The following IDH1 variants were observed in gnomAD, a reference collection of about 807,000 sequenced individuals.
IDH1 encodes the protein isocitrate dehydrogenase (NADP(+)) 1.
In IDH1, 33 loss-of-function variants were observed where a neutral mutation model predicts 46.1. The observed-to-expected ratio is 0.72, with a 90% CI of 0.54 to 0.96. IDH1 has a LOEUF of 0.96. Among genes scored for constraint, IDH1 ranks in the 40% least tolerant of loss-of-function variants. The probability of loss-of-function intolerance (pLI) is 0.00; values close to 1 mark genes in which losing one functional copy is unlikely to be tolerated. For synonymous variants in IDH1, 144 were observed against 172.8 expected, an observed-to-expected ratio of 0.83 and a Z score of 1.31; for missense variants, 421 against 515.7, an observed-to-expected ratio of 0.82 and a Z score of 1.78.
chr2:208,250,773 A>G (rs1688108675), intron 3 of IDH1, among the ~76,000 whole-genome samples: 1 of 152,230 alleles, frequency 6.6e-6, no homozygotes, highest in African/African-American at 2.4e-5. Flanking sequence ...GGAGGGGTTC[A>G]ACTAAGAAAC....
Position 208,239,941 on chromosome 2 carries a change from C to T in IDH1, c.913G>A (p.Ala305Thr), listed in dbSNP as rs1384045653. The T allele has an allele frequency of 5.0e-6, 8 of 1,614,148 alleles. No individual in the cohort carries two copies. In the South Asian group the frequency reaches 6.6e-5, roughly 13 times the overall value. ...LVCPDGKTVE[A>T]EAAHGTVTRH... ...GTTACAGTCCCGTGGGCAGCCTCTG[C>T]TTCTACTGTCTTGCCATCTGGACAA... The change falls in exon 8 of 10, where the codon GCA becomes ACA. Residue 305 changes from alanine to threonine, a missense_variant. Transcript: ENST00000345146.
intron 5 of IDH1, among the ~76,000 whole-genome samples, chr2:208,243,904 T>C (rs1450620243): frequency 6.6e-6 from 1 of 152,228 alleles, no homozygotes; most frequent in Admixed American, 6.5e-5. Context: ...GAACCAGAAA[T>C]ACATTTAAGA....
At chr2:208,245,704 A>C (rs1688006313) in intron 4 of IDH1, among the ~76,000 whole-genome samples, 1 of 151,482 alleles carries the variant, frequency 6.6e-6, no homozygotes, top group East Asian at 1.9e-4. Context: ...TCCTTTAGGA[A>C]GTTTACAACC....
chr2:208,251,489 G>T lies in IDH1; in HGVS notation c.63C>A (p.Ile21=). 6.2e-7 allele frequency: 1 copy of T among 1,613,284 alleles called. No individual in the cohort carries two copies. The highest frequency in any genetic ancestry group is 1.1e-5 in the South Asian group (1 of 91,068). The change falls in exon 3 of 10, where the codon ATC becomes ATA. Residue 21 remains isoleucine, a synonymous_variant. Transcript: ENST00000345146. The stretch of plus-strand genomic sequence containing the variant: ...GTTTCTCTTTAATCAATTCCCAAAT[G>T]ATTCGTGTCATTTCATCTCCTTGCA... ...VEMQGDEMTR[I]IWELIKEKLI... is the part of the protein sequence containing the mutation.
At chr2:208,245,871 A>G (rs1346423961) in intron 4 of IDH1, among the ~76,000 whole-genome samples, 1 of 147,906 alleles carries the variant, frequency 6.8e-6, no homozygotes, top group African/African-American at 2.5e-5. Context: ...GAGGGTGATG[A>G]TAACAATACT....
At chr2:208,238,039 CTTT>C (rs71036995) in intron 9 of IDH1, among the ~76,000 whole-genome samples, 1 of 143,782 alleles carries the variant, frequency 7.0e-6, no homozygotes, top group Admixed American at 7.0e-5. Context: ...ACACTGCAAT[CTTT>C]TTTTTTTTTT....
rs73983722 is a variant in IDH1, at chr2:208,253,696, T to C, written c.-17+190A>G. ...CGAGTTCATGAACTACAATAATTTC[T>C]GGGCAAAAAGGATCTCTTGCAGATA... On this transcript the variant is annotated intron_variant, in intron 2 of 9. Coordinates refer to ENST00000345146, the MANE Select transcript of IDH1 (RefSeq NM_005896.4). 4.7e-3 allele frequency among the ~76,000 whole-genome samples: 722 copies of C among 152,316 alleles called. 9 individuals are homozygous for C. Among genetic ancestry groups the C allele is most frequent in the African/African-American group, 0.016 (678 of 41,574 alleles).
rs73983720 is a variant in IDH1, at chr2:208,251,886, C to T, written c.-16-319G>A. Among the ~76,000 whole-genome samples, 1,017 of 152,244 alleles carry T rather than the reference C, an allele frequency of 6.7e-3. 13 individuals carry two copies. Among genetic ancestry groups the T allele is most frequent in the African/African-American group, 0.024 (979 of 41,554 alleles). On this transcript the variant is annotated intron_variant, in intron 2 of 9. Transcript: ENST00000345146. ...AAAGAGCTTTCCCAAGGCCACCTAG[C>T]TAGAGCGTGGCAGAGCCTGACCCTA...
chr2:208,250,933 C>T (rs974183275), intron 3 of IDH1, among the ~76,000 whole-genome samples: 3 of 152,216 alleles, frequency 2.0e-5, no homozygotes, highest in Non-Finnish European at 4.4e-5. Flanking sequence ...CTGTTTCTTA[C>T]ATCCTCTCTT....
chr2:208,248,675 A>G lies in IDH1; in HGVS notation c.123-15T>C, dbSNP rs749095391. 2 of 1,612,800 alleles carry G rather than the reference A, an allele frequency of 1.2e-6. No homozygotes were observed. The highest frequency in any genetic ancestry group is 3.3e-5 in the Admixed American group (2 of 60,024). On this transcript the variant is annotated splice_polypyrimidine_tract_variant and intron_variant, in intron 3 of 9. Transcript: ENST00000345146. The stretch of plus-strand genomic sequence containing the variant: ...CTAAATCATAGCTTGAAAGAGAAAA[A>G]TTAGAAGCAAAGTTTTTCAGACAAA...
chr2:208,252,828 ATTC>A (rs1475576154), intron 2 of IDH1, among the ~76,000 whole-genome samples: 12 of 152,334 alleles, frequency 7.9e-5, no homozygotes, highest in East Asian at 1.9e-4. Context: ...CAATTCTAGA[ATTC>A]TTCTTACTAG....
intron 9 of IDH1, 112 bp downstream of exon 9, chr2:208,238,959 C>T: frequency 1.0e-6 from 1 of 1,000,244 alleles, no homozygotes; most frequent in East Asian, 2.4e-5. Context: ...CTGCTGACTC[C>T]TGAACTAGAT....
intron 6 of IDH1, 91 bp from the exon 7 acceptor site, chr2:208,242,236 C>T (rs1574404269): frequency 1.7e-6 from 2 of 1,176,598 alleles, no homozygotes; most frequent in East Asian, 4.7e-5. Context: ...AGACCGGACA[C>T]ACAAGAAGCA....
chr2:208,238,417 C>T (rs1270570837), intron 9 of IDH1, among the ~76,000 whole-genome samples: 1 of 152,170 alleles, frequency 6.6e-6, no homozygotes, highest in Non-Finnish European at 1.5e-5. Flanking sequence ...ACTGACCCTA[C>T]CTGGGACCTC....
chr2:208,236,990 G>T lies in IDH1; in HGVS notation c.*89C>A. Reference sequence around the variant, plus strand: ...CTAAACAAATTACAAAATTGATTTTGCCTTTATCCTTGAGTGTAACACAGA... The same window carrying T: ...CTAAACAAATTACAAAATTGATTTTTCCTTTATCCTTGAGTGTAACACAGA... On this transcript the variant is annotated 3_prime_UTR_variant, in exon 10 of 10. Coordinates refer to ENST00000345146, the MANE Select transcript of IDH1 (RefSeq NM_005896.4). The T allele has an allele frequency of 1.4e-6, 1 of 722,510 alleles. No individual in the cohort carries two copies. Among genetic ancestry groups the T allele is most frequent in the Non-Finnish European group, 2.4e-6 (1 of 412,202 alleles). The allele number at this position is 722,510 out of a possible 1,614,324, so 44.8% of individuals were successfully genotyped here. A position where few individuals can be genotyped will look rare whatever the true frequency, so the allele number is the denominator to read the frequency against.
chr2:208,251,804 C>T (rs1212492234), intron 2 of IDH1, among the ~76,000 whole-genome samples: 2 of 152,114 alleles, frequency 1.3e-5, no homozygotes, highest in East Asian at 3.9e-4. Flanking sequence ...CTGAGCTAGC[C>T]CTCATAACAA....
At chr2:208,245,247 A>C in intron 5 of IDH1, 72 bp downstream of exon 5, 1 of 863,018 alleles carries the variant, frequency 1.2e-6, no homozygotes, top group East Asian at 2.6e-5. Context: ...TAACTAACAA[A>C]AAAAGCAATA....
chr2:208,237,012 CAG>C lies in IDH1; in HGVS notation c.*65_*66del. ...TTTGCCTTTATCCTTGAGTGTAACACAGAAAAATGTAAACCTGTAGACCTAGT... is the reference window on the plus strand; with the variant it reads ...TTTGCCTTTATCCTTGAGTGTAACACAAAAATGTAAACCTGTAGACCTAGT... On this transcript the variant is annotated 3_prime_UTR_variant, in exon 10 of 10. Coordinates refer to ENST00000345146, the MANE Select transcript of IDH1 (RefSeq NM_005896.4). 1 of 869,874 alleles carries C rather than the reference CAG, an allele frequency of 1.1e-6. No individual in the cohort carries two copies. The highest frequency in any genetic ancestry group is 1.9e-6 in the Non-Finnish European group (1 of 527,466). The allele number at this position is 869,874 out of a possible 1,614,324, so 53.9% of individuals were successfully genotyped here.
chr2:208,236,953 A>G lies in IDH1; in HGVS notation c.*126T>C, dbSNP rs2124843725. ...AAGGCTGTAAACTTATAGAAAAGAT[A>G]AACTCTGGCTTCTAAACAAATTACA... On this transcript the variant is annotated 3_prime_UTR_variant, in exon 10 of 10. Coordinates refer to ENST00000345146, the MANE Select transcript of IDH1 (RefSeq NM_005896.4). 1.5e-6 allele frequency: 1 copy of G among 650,662 alleles called. No individual in the cohort carries two copies. Among genetic ancestry groups the G allele is most frequent in the Non-Finnish European group, 2.7e-6 (1 of 366,256 alleles). 40.3% of individuals were successfully genotyped at this position (650,662 alleles called of 1,614,324 possible). A position where few individuals can be genotyped will look rare whatever the true frequency, so the allele number is the denominator to read the frequency against.
Sources: allele counts gnomAD v4.1 joint callset (sites outside exome capture counted in the v4.1 genomes callset), GRCh38; gene constraint gnomAD v4.1.1; transcripts MANE v1.5; gene names NCBI Gene and HGNC (gene_info 2026-07-23, HGNC 2026-07-21).